ZNF33A: variants seen among roughly 807,000 people sequenced by gnomAD.
The protein encoded by ZNF33A is zinc finger protein 33A.
A neutral mutation model predicts 15.9 loss-of-function variants in ZNF33A; 9 were observed. The ratio of observed to expected loss-of-function variants is 0.57; its 90% CI spans 0.34 to 0.99. ZNF33A has a LOEUF of 0.99. Ranked by LOEUF, ZNF33A falls within the 50% of genes least tolerant of loss-of-function variation. ZNF33A has a pLI of 0.02. For missense variants in ZNF33A, 843 were observed against 941.6 expected (o/e 0.90, Z 1.37); for synonymous variants, 294 against 324.2 (o/e 0.91, Z 1.00).
chr10:38,058,263 A>G lies in ZNF33A; in HGVS notation c.*1703A>G, dbSNP rs2066563869. 6 of 160,394 alleles carry G rather than the reference A, an allele frequency of 3.7e-5. No individual in the cohort carries two copies. The Admixed American group carries it at 3.9e-4, about 10-fold the overall frequency. 9.9% of individuals were successfully genotyped at this position (160,394 alleles called of 1,614,324 possible). ...CTAGCTTAAGAACAAACAGAAGACA[A>G]ATATTGCTAATACCAAAAATGAAAG... On this transcript the variant is annotated 3_prime_UTR_variant, in exon 5 of 5. Transcript: ENST00000432900.
chr10:38,056,146 C>G lies in ZNF33A; in HGVS notation c.2022C>G (p.Phe674Leu). The G allele has an allele frequency of 6.2e-7, 1 of 1,613,956 alleles. No individual in the cohort carries two copies. The highest frequency in any genetic ancestry group is 8.5e-7 in the Non-Finnish European group (1 of 1,179,976). ...AATGTAATGAATGTGGAAAATCTTTCTGTGTAAAATCAGGACTTATTTTCC... is the reference window on the plus strand; with the variant it reads ...AATGTAATGAATGTGGAAAATCTTTGTGTGTAAAATCAGGACTTATTTTCC... ...PYKCNECGKS[F>L]CVKSGLIFHE... Residue 674 changes from phenylalanine to leucine, a missense_variant, in exon 5 of 5, where the codon TTC becomes TTG. Coordinates refer to ENST00000432900, the MANE Select transcript of ZNF33A (RefSeq NM_006954.2).
At chr10:38,067,153 G>A (rs1231759143), downstream of ZNF33A, among the ~76,000 whole-genome samples, 1 of 152,090 alleles carries the variant, frequency 6.6e-6, no homozygotes, top group Non-Finnish European at 1.5e-5. Flanking sequence ...CTCCTACCAG[G>A]AAAAAGGCCC....
At chr10:38,024,893 C>T (rs372717022) in intron 4 of ZNF33A, among the ~76,000 whole-genome samples, 11 of 152,340 alleles carry the variant, frequency 7.2e-5, no homozygotes, top group African/African-American at 2.2e-4. Context: ...ATATGCTACC[C>T]ATGAGTTAAT....
At chr10:38,013,903 C>T (rs2064317933) in intron 2 of ZNF33A, among the ~76,000 whole-genome samples, 2 of 152,092 alleles carry the variant, frequency 1.3e-5, no homozygotes, top group South Asian at 4.1e-4. Context: ...TCTTGTCCCC[C>T]TCACAATCCT....
At chr10:38,034,610 C>T (rs1245910458) in intron 4 of ZNF33A, among the ~76,000 whole-genome samples, 1 of 152,168 alleles carries the variant, frequency 6.6e-6, no homozygotes, top group African/African-American at 2.4e-5. Context: ...AAAGTTACAT[C>T]TTTTTCCTAT....
intron 4 of ZNF33A, among the ~76,000 whole-genome samples, chr10:38,025,637 T>G (rs1315011319): frequency 6.6e-6 from 1 of 152,202 alleles, no homozygotes; most frequent in African/African-American, 2.4e-5. Flanking sequence ...GAAATAAACT[T>G]CTGTTGTTTA....
intron 4 of ZNF33A, among the ~76,000 whole-genome samples, chr10:38,036,915 A>G (rs994704691): frequency 7.2e-5 from 11 of 152,206 alleles, no homozygotes; most frequent in Non-Finnish European, 1.5e-4. Context: ...TCCTTTTTTC[A>G]TTATGTAGTT....
At chr10:38,053,551 T>A (rs1257898480) in intron 4 of ZNF33A, among the ~76,000 whole-genome samples, 7 of 152,082 alleles carry the variant, frequency 4.6e-5, no homozygotes, top group Non-Finnish European at 8.8e-5. Flanking sequence ...AACATACACA[T>A]TTTTGGGGGG....
In ZNF33A at chr10:38,058,016, T is replaced by C. The variant is rs2066554980; in HGVS notation, c.*1456T>C. ...TGTGAAGATTGTACACTATATTACA[T>C]GATCAGATCATACAAATAATCTAAG... On this transcript the variant is annotated 3_prime_UTR_variant, in exon 5 of 5. Coordinates refer to ENST00000432900, the MANE Select transcript of ZNF33A (RefSeq NM_006954.2). The C allele has an allele frequency of 3.0e-6, 3 of 985,002 alleles. No individual in the cohort carries two copies. Among genetic ancestry groups the C allele is most frequent in the Middle Eastern group, 1.0e-3 (2 of 1,914 alleles). The allele number at this position is 985,002 out of a possible 1,614,324, so 61.0% of individuals were successfully genotyped here. A position where few individuals can be genotyped will look rare whatever the true frequency, so the allele number is the denominator to read the frequency against.
intron 4 of ZNF33A, among the ~76,000 whole-genome samples, chr10:38,044,204 CTTTCTTTTTTTTTT>C (rs2065845929): frequency 6.9e-6 from 1 of 144,994 alleles, no homozygotes; most frequent in South Asian, 2.1e-4. Context: ...CTTTTCTTTT[CTTTCTTTTTTTTTT>C]TTTTTTGAGA....
At chr10:38,064,446 G>C (rs1374103006), downstream of ZNF33A, 6 of 321,364 alleles carry the variant, frequency 1.9e-5, no homozygotes, top group Non-Finnish European at 3.4e-5. Context: ...CTCAGCCTCA[G>C]GTGTCTTCTC....
intron 4 of ZNF33A, among the ~76,000 whole-genome samples, chr10:38,018,969 ATAATT>A (rs1260140277): frequency 6.6e-6 from 1 of 151,380 alleles, no homozygotes; most frequent in African/African-American, 2.4e-5. Context: ...TGAGCTTGTG[ATAATT>A]TTATTTTATT....
At chr10:38,011,128 A>G (rs1028318875) in intron 1 of ZNF33A, among the ~76,000 whole-genome samples, 11 of 152,202 alleles carry the variant, frequency 7.2e-5, no homozygotes, top group African/African-American at 2.7e-4. Flanking sequence ...GGGCGGGGAA[A>G]GGCGGGTGCA....
chr10:38,062,332 GT>G (rs1253217362), downstream of ZNF33A, among the ~76,000 whole-genome samples: 1 of 152,108 alleles, frequency 6.6e-6, no homozygotes, highest in African/African-American at 2.4e-5. Context: ...ATAGTCCATG[GT>G]TCACACAAAT....
intron 4 of ZNF33A, among the ~76,000 whole-genome samples, chr10:38,036,409 G>A (rs907717475): frequency 6.6e-6 from 1 of 151,946 alleles, no homozygotes; most frequent in Non-Finnish European, 1.5e-5. Flanking sequence ...TTGCACTTCA[G>A]CCTGGGTGAT....
At chr10:38,013,009 C>G (rs2135528761) in intron 2 of ZNF33A, among the ~76,000 whole-genome samples, 1 of 152,340 alleles carries the variant, frequency 6.6e-6, no homozygotes, top group Non-Finnish European at 1.5e-5. Flanking sequence ...GAAATGAGTG[C>G]AGCCTATTGA....
intron 4 of ZNF33A, among the ~76,000 whole-genome samples, chr10:38,052,719 C>G (rs1180431069): frequency 2.6e-5 from 4 of 151,984 alleles, no homozygotes; most frequent in African/African-American, 7.2e-5. Context: ...TACCTGATTT[C>G]AAGACTCAAA....
intron 4 of ZNF33A, among the ~76,000 whole-genome samples, chr10:38,034,001 G>C (rs946449187): frequency 3.9e-5 from 6 of 152,106 alleles, no homozygotes; most frequent in African/African-American, 1.4e-4. Flanking sequence ...GTGAGCTGCT[G>C]CTCCCGGCCT....
intron 1 of ZNF33A, among the ~76,000 whole-genome samples, chr10:38,011,153 C>G (rs971836641): frequency 3.9e-5 from 6 of 152,226 alleles, no homozygotes; most frequent in African/African-American, 1.4e-4. Flanking sequence ...CCCGCCAGAC[C>G]GGCAGACTCG....
Sources: allele counts gnomAD v4.1 joint callset (sites outside exome capture counted in the v4.1 genomes callset), GRCh38; gene constraint gnomAD v4.1.1; transcripts MANE v1.5; gene names NCBI Gene and HGNC (gene_info 2026-07-23, HGNC 2026-07-21).